DCAF5: variants seen among roughly 807,000 people sequenced by gnomAD.
The protein encoded by DCAF5 is DDB1 and CUL4 associated factor 5.
In DCAF5, 9 loss-of-function variants were observed where a neutral mutation model predicts 80.7. The observed-to-expected ratio is 0.11, with a 90% CI of 0.07 to 0.19. The LOEUF (loss-of-function observed/expected upper bound fraction) is 0.19. DCAF5 is among the 10% of genes least tolerant of loss of function. DCAF5 has a pLI of 1.00. For missense variants in DCAF5, 842 were observed against 1,205.7 expected, an observed-to-expected ratio of 0.70 and a Z score of 4.47; for synonymous variants, 433 against 461.9, an observed-to-expected ratio of 0.94 and a Z score of 0.80.
chr14:69,090,877 T>G, intron 6 of DCAF5: 1 of 544,684 alleles, frequency 1.8e-6, no homozygotes, highest in Non-Finnish European at 3.3e-6. Context: ...AGCAATAAGA[T>G]TTGTTGTGCT....
chr14:69,092,021 T>C, intron 5 of DCAF5, 134 bp from the exon 6 acceptor site: 2 of 706,036 alleles, frequency 2.8e-6, no homozygotes, highest in Non-Finnish European at 4.7e-6. Flanking sequence ...GTGCAGTGGC[T>C]AGAATAATGA....
intron 8 of DCAF5, among the ~76,000 whole-genome samples, chr14:69,058,569 A>C (rs1301939045): frequency 2.0e-5 from 3 of 150,476 alleles, no homozygotes; most frequent in African/African-American, 7.3e-5. Context: ...CATGTCTCAT[A>C]ATCGGGCAAA....
chr14:69,141,139 T>TTAAA (rs34483517), intron 1 of DCAF5, among the ~76,000 whole-genome samples: 129 of 59,424 alleles, frequency 2.2e-3, no homozygotes, highest in African/African-American at 6.6e-3. Context: ...ATCTCAAATT[T>TTAAA]AAAAAAAAAA....
chr14:69,119,329 C>G, intron 2 of DCAF5, 99 bp from the exon 3 acceptor site: 1 of 1,166,866 alleles, frequency 8.6e-7, no homozygotes, highest in Non-Finnish European at 1.2e-6. Context: ...AAAATATGAA[C>G]AAAGCCAATG....
chr14:69,123,629 AT>A (rs2040791997), intron 1 of DCAF5, among the ~76,000 whole-genome samples: 1 of 152,060 alleles, frequency 6.6e-6, no homozygotes, highest in Non-Finnish European at 1.5e-5. Flanking sequence ...ACCTTCAGAA[AT>A]TTTTCATCAT....
chr14:69,139,996 G>C (rs565082125), intron 1 of DCAF5, among the ~76,000 whole-genome samples: 3 of 152,032 alleles, frequency 2.0e-5, no homozygotes, highest in African/African-American at 7.2e-5. Flanking sequence ...GAGGCCAGGC[G>C]CAGTGGCTCA....
At chr14:69,083,386 T>G (rs1274568013) in intron 6 of DCAF5, 1 of 268,338 alleles carries the variant, frequency 3.7e-6, no homozygotes, top group African/African-American at 2.3e-5. Flanking sequence ...GTCTAGACAC[T>G]GCTTGGACAG....
At chr14:69,068,059 T>A (rs1444658584) in intron 7 of DCAF5, among the ~76,000 whole-genome samples, 4 of 152,214 alleles carry the variant, frequency 2.6e-5, no homozygotes, top group Non-Finnish European at 1.5e-5. Flanking sequence ...ACTTTACCAA[T>A]CTTCCCAAAT....
At chr14:69,141,672 A>G (rs2041378731) in intron 1 of DCAF5, among the ~76,000 whole-genome samples, 1 of 152,174 alleles carries the variant, frequency 6.6e-6, no homozygotes, top group African/African-American at 2.4e-5. Context: ...GGATCCCAAC[A>G]ATCAACAAGG....
At chr14:69,073,473 C>T (rs1594948662) in intron 7 of DCAF5, among the ~76,000 whole-genome samples, 1 of 151,972 alleles carries the variant, frequency 6.6e-6, no homozygotes, top group African/African-American at 2.4e-5. Context: ...ACTAGATGGT[C>T]GACATCCTAA....
chr14:69,071,531 C>T (rs2038692968), intron 7 of DCAF5, among the ~76,000 whole-genome samples: 1 of 151,880 alleles, frequency 6.6e-6, no homozygotes, highest in South Asian at 2.1e-4. Context: ...AGCCAGCTTT[C>T]CCTTACTAGC....
At chr14:69,138,346 T>C (rs1944861342) in intron 1 of DCAF5, among the ~76,000 whole-genome samples, 1 of 152,208 alleles carries the variant, frequency 6.6e-6, no homozygotes, top group African/African-American at 2.4e-5. Context: ...CTTTCCAAAG[T>C]ACGGAAGTAT....
chr14:69,151,679 C>G (rs1031350291), intron 1 of DCAF5, among the ~76,000 whole-genome samples: 2 of 152,142 alleles, frequency 1.3e-5, no homozygotes, highest in South Asian at 4.1e-4. Context: ...GCCCTGGGCC[C>G]GCGACCCCAG....
intron 2 of DCAF5, among the ~76,000 whole-genome samples, chr14:69,121,789 T>C (rs1438703376): frequency 6.6e-6 from 1 of 152,124 alleles, no homozygotes; most frequent in Non-Finnish European, 1.5e-5. Context: ...CACAACACTT[T>C]TCAAACAGGA....
rs543852764 is a variant in DCAF5, at chr14:69,132,324, A to G, written c.215-9964T>C. ...CTCTTTTTATTCTTTGCTTGTTTGG[A>G]TAATAGTCATCCTAATGGGTGTGAA... On this transcript the variant is annotated intron_variant, in intron 1 of 8. Coordinates refer to ENST00000341516, the MANE Select transcript of DCAF5 (RefSeq NM_003861.3). Among the ~76,000 whole-genome samples the G allele has an allele frequency of 5.9e-5, 9 of 152,110 alleles. No individual in the cohort carries two copies. In the South Asian group the frequency reaches 8.3e-4, roughly 14 times the overall value.
chr14:69,143,829 G>C (rs916268888), intron 1 of DCAF5: 1 of 152,202 alleles, frequency 6.6e-6, no homozygotes, highest in African/African-American at 2.4e-5. Context: ...TTCACCCCTA[G>C]AATTACGTTT....
chr14:69,069,337 G>A (rs906192969), intron 7 of DCAF5, among the ~76,000 whole-genome samples: 4 of 152,204 alleles, frequency 2.6e-5, no homozygotes, highest in Admixed American at 6.5e-5. Flanking sequence ...CTGAACTACT[G>A]ATGAGTCAAG....
At position 69,075,486 on chromosome 14, in the gene DCAF5, T is replaced by C. The variant is rs189560911; in HGVS notation, c.880-75A>G. On this transcript the variant is annotated intron_variant, in intron 6 of 8. Transcript: ENST00000341516. ...TAAATACAATATGTAACAATAAACA[T>C]ATTAATTTTTTTTGAGATGGAGTCT... 4.3e-5 allele frequency: 42 copies of C among 978,722 alleles called. No homozygotes were observed. The African/African-American group carries it at 5.1e-4, about 12-fold the overall frequency. 60.6% of individuals were successfully genotyped at this position (978,722 alleles called of 1,614,324 possible). A position where few individuals can be genotyped will look rare whatever the true frequency, so the allele number is the denominator to read the frequency against.
intron 1 of DCAF5, among the ~76,000 whole-genome samples, chr14:69,134,742 T>C (rs1440728547): frequency 1.3e-5 from 2 of 152,246 alleles, no homozygotes; most frequent in African/African-American, 4.8e-5. Context: ...ATACACTTTT[T>C]AGATGATGCC....
Sources: allele counts gnomAD v4.1 joint callset (sites outside exome capture counted in the v4.1 genomes callset), GRCh38; gene constraint gnomAD v4.1.1; transcripts MANE v1.5; gene names NCBI Gene and HGNC (gene_info 2026-07-23, HGNC 2026-07-21).